Variants in MRLN observed in about 807,000 individuals in gnomAD.
MRLN encodes the protein Linc-RNA activator of myogenesis.
At position 59,743,996 on chromosome 10, in the gene MRLN, G is replaced by A. The variant is rs535526752; in HGVS notation, c.-124-5434C>T. Among the ~76,000 whole-genome samples the A allele has an allele frequency of 8.0e-3, 1,217 of 152,236 alleles. 10 individuals are homozygous for A. The highest frequency in any genetic ancestry group is 0.024 in the Middle Eastern group (7 of 294). On this transcript the variant is annotated intron_variant, in intron 1 of 2. Transcript: ENST00000414264. ...GTTGCCCAGGCTGGAGTGCAGTGGC[G>A]TGATCTCGGCTCGCTACAACCGCCA...
At chr10:59,745,074 C>T (rs1019699442) in intron 1 of MRLN, among the ~76,000 whole-genome samples, 1 of 151,702 alleles carries the variant, frequency 6.6e-6, no homozygotes, top group Non-Finnish European at 1.5e-5. Context: ...TGCCAAATCC[C>T]CCTCTCTGAG....
At chr10:59,749,448 C>T (rs920758626) in intron 1 of MRLN, among the ~76,000 whole-genome samples, 6 of 152,166 alleles carry the variant, frequency 3.9e-5, no homozygotes, top group Non-Finnish European at 8.8e-5. Context: ...AATCCCAGCA[C>T]TTTGGGAGGC....
Position 59,736,863 on chromosome 10 carries a change from T to A in MRLN, c.*197A>T, listed in dbSNP as rs113831480. 20 of 263,500 alleles carry A rather than the reference T, an allele frequency of 7.6e-5. No homozygotes were observed. The highest frequency in any genetic ancestry group is 3.3e-4 in the African/African-American group (15 of 45,906). 16.3% of individuals were successfully genotyped at this position (263,500 alleles called of 1,614,324 possible). A position where few individuals can be genotyped will look rare whatever the true frequency, so the allele number is the denominator to read the frequency against. On this transcript the variant is annotated 3_prime_UTR_variant, in exon 3 of 3. Transcript: ENST00000414264. Reference sequence around the variant, plus strand: ...GGATAGATGTTTTTGGGGAAAAAAATTCACTTCAGTATATGTGAATGTTTC... The same window carrying A: ...GGATAGATGTTTTTGGGGAAAAAAAATCACTTCAGTATATGTGAATGTTTC...
intron 1 of MRLN, among the ~76,000 whole-genome samples, chr10:59,741,467 C>T (rs1287792292): frequency 6.6e-6 from 1 of 152,132 alleles, no homozygotes; most frequent in East Asian, 1.9e-4. Context: ...ACTACAGGCT[C>T]GACCTCCCAG....
chr10:59,747,009 A>T (rs1841050512), intron 1 of MRLN, among the ~76,000 whole-genome samples: 2 of 152,216 alleles, frequency 1.3e-5, no homozygotes, highest in South Asian at 4.1e-4. Flanking sequence ...CATGTTGGTC[A>T]GGCTGGTCTT....
rs985822584 is a variant in MRLN, at chr10:59,750,312, C to T, written c.-125+3042G>A. On this transcript the variant is annotated intron_variant, in intron 1 of 2. Transcript: ENST00000414264. Reference sequence around the variant, plus strand: ...TGTTGAACTCCTGACCTCAGGTGATCCATCCTCCTTGGCCTCCCAAAATGC... The same window carrying T: ...TGTTGAACTCCTGACCTCAGGTGATTCATCCTCCTTGGCCTCCCAAAATGC... Among the ~76,000 whole-genome samples, 6 of 152,028 alleles carry T rather than the reference C, an allele frequency of 3.9e-5. No individual in the cohort carries two copies. The South Asian group carries it at 1.2e-3, about 32-fold the overall frequency.
Position 59,736,987 on chromosome 10 carries a change from TCAA to T in MRLN, c.*70_*72del, listed in dbSNP as rs1840931177. ...GGCAATGTCATAAAATGTGAGTCAC[TCAA>T]CAAGTTAAAATACAAATTTTTATTC... On this transcript the variant is annotated 3_prime_UTR_variant, in exon 3 of 3. Transcript: ENST00000414264. The T allele has an allele frequency of 7.8e-6, 3 of 385,568 alleles. No homozygotes were observed. Among genetic ancestry groups the T allele is most frequent in the Non-Finnish European group, 1.4e-5 (3 of 217,296 alleles). 23.9% of individuals were successfully genotyped at this position (385,568 alleles called of 1,614,324 possible). A position where few individuals can be genotyped will look rare whatever the true frequency, so the allele number is the denominator to read the frequency against.
chr10:59,747,089 T>G (rs1841051144), intron 1 of MRLN, among the ~76,000 whole-genome samples: 1 of 152,236 alleles, frequency 6.6e-6, no homozygotes, highest in Non-Finnish European at 1.5e-5. Context: ...CGTGAGCCAC[T>G]GCTCCCAGCT....
chr10:59,744,021 A>C (rs1321329332), intron 1 of MRLN, among the ~76,000 whole-genome samples: 2 of 151,512 alleles, frequency 1.3e-5, no homozygotes, highest in East Asian at 3.9e-4. Flanking sequence ...TACAACCGCC[A>C]CCTCCCAGCC....
chr10:59,744,481 G>A lies in MRLN; in HGVS notation c.-124-5919C>T, dbSNP rs1341014236. 5.4e-5 allele frequency among the ~76,000 whole-genome samples: 8 copies of A among 149,328 alleles called. No homozygotes were observed. In the East Asian group the frequency reaches 8.2e-4, roughly 15 times the overall value. ...CCGCGCCCGGCCAGCCGCCCCGTCC[G>A]GGAGGTGGGGGGCAGCCCCCGCCCG... On this transcript the variant is annotated intron_variant, in intron 1 of 2. Transcript: ENST00000414264.
intron 1 of MRLN, among the ~76,000 whole-genome samples, chr10:59,749,164 T>A (rs1841072757): frequency 6.6e-6 from 1 of 152,200 alleles, no homozygotes; most frequent in African/African-American, 2.4e-5. Context: ...AAGGACTTTA[T>A]TCATAGCTAA....
In MRLN at chr10:59,740,902, A is replaced by G. The variant is rs181316824; in HGVS notation, c.-124-2340T>C. 3.3e-5 allele frequency among the ~76,000 whole-genome samples: 5 copies of G among 151,742 alleles called. No individual in the cohort carries two copies. In the East Asian group the frequency reaches 9.7e-4, roughly 30 times the overall value. ...AACCTCTTCCTCCTGGATTCATGCAATTCTCCTGCCTCAGCCTCCCGAGTA... is the reference window on the plus strand; with the variant it reads ...AACCTCTTCCTCCTGGATTCATGCAGTTCTCCTGCCTCAGCCTCCCGAGTA... On this transcript the variant is annotated intron_variant, in intron 1 of 2. Coordinates refer to ENST00000414264, the MANE Select transcript of MRLN (RefSeq NM_001304731.2).
At chr10:59,742,996 G>T (rs554134503) in intron 1 of MRLN, among the ~76,000 whole-genome samples, 1 of 152,124 alleles carries the variant, frequency 6.6e-6, no homozygotes, top group African/African-American at 2.4e-5. Context: ...TCCCAAAGTG[G>T]TGGGATTACA....
rs769784539 is a variant in MRLN at position 59,743,426 on chromosome 10, T to C, written c.-124-4864A>G. On this transcript the variant is annotated intron_variant, in intron 1 of 2. Transcript: ENST00000414264. ...GAAAATTACATTTATCAACGAAACA[T>C]TTTAATGAAAGTATGTAACTTCTAT... Among the ~76,000 whole-genome samples the C allele has an allele frequency of 7.6e-4, 115 of 152,124 alleles. 1 individual carries two copies. The highest frequency in any genetic ancestry group is 1.2e-3 in the Non-Finnish European group (81 of 68,020).
intron 1 of MRLN, among the ~76,000 whole-genome samples, chr10:59,742,647 TTTCC>T (rs915796924): frequency 4.7e-4 from 71 of 152,078 alleles, no homozygotes; most frequent in East Asian, 1.4e-3. Flanking sequence ...ATGTGATTTA[TTTCC>T]TTCCTTCCTT....
At chr10:59,741,611 T>G (rs1449382890) in intron 1 of MRLN, among the ~76,000 whole-genome samples, 3 of 152,128 alleles carry the variant, frequency 2.0e-5, no homozygotes, top group African/African-American at 7.2e-5. Flanking sequence ...ACTGAAGCCC[T>G]GAGCTCAAGC....
At chr10:59,743,800 G>C (rs1179242267) in intron 1 of MRLN, among the ~76,000 whole-genome samples, 1 of 152,172 alleles carries the variant, frequency 6.6e-6, no homozygotes, top group Non-Finnish European at 1.5e-5. Flanking sequence ...GAGTGCCTGG[G>C]ATTGCAGGTG....
At chr10:59,741,598 G>A (rs2132588395) in intron 1 of MRLN, among the ~76,000 whole-genome samples, 1 of 152,104 alleles carries the variant, frequency 6.6e-6, no homozygotes, top group East Asian at 1.9e-4. Flanking sequence ...TGCCCAGGCT[G>A]ATACTGAAGC....
chr10:59,741,585 C>T (rs1361021376), intron 1 of MRLN, among the ~76,000 whole-genome samples: 1 of 151,934 alleles, frequency 6.6e-6, no homozygotes, highest in Non-Finnish European at 1.5e-5. Flanking sequence ...GATTTTGCCA[C>T]GTTGCCCAGG....
Sources: allele counts gnomAD v4.1 joint callset (sites outside exome capture counted in the v4.1 genomes callset), GRCh38; gene constraint gnomAD v4.1.1; transcripts MANE v1.5; gene names NCBI Gene and HGNC (gene_info 2026-07-23, HGNC 2026-07-21).